ZNF518A: variants seen among roughly 807,000 people sequenced by gnomAD.
The protein encoded by ZNF518A is zinc finger protein 518A.
A neutral mutation model predicts 102.7 loss-of-function variants in ZNF518A; 47 were observed. The ratio of observed to expected loss-of-function variants is 0.46; its 90% CI spans 0.36 to 0.58. The LOEUF is 0.58. Ranked by LOEUF, ZNF518A falls within the 20% of genes least tolerant of loss-of-function variation. The pLI is 0.00. For missense variants in ZNF518A, 1,793 were observed against 1,699.8 expected, an observed-to-expected ratio of 1.05 and a Z score of -0.96; for synonymous variants, 652 against 594.6, an observed-to-expected ratio of 1.10 and a Z score of -1.40.
chr10:96,136,560 C>G (rs893892196), intron 3 of ZNF518A, among the ~76,000 whole-genome samples: 49 of 151,712 alleles, frequency 3.2e-4, no homozygotes, highest in South Asian at 1.3e-3. Flanking sequence ...TGGCTTATGC[C>G]TGTAGTCCCA....
At chr10:96,166,259 C>G (rs1247566833), downstream of ZNF518A, among the ~76,000 whole-genome samples, 1 of 152,192 alleles carries the variant, frequency 6.6e-6, no homozygotes, top group Non-Finnish European at 1.5e-5. Context: ...ATACCAGTCT[C>G]TGAAAACACC....
rs1445347991 is a variant in ZNF518A, at chr10:96,156,270, A to G, written c.-53A>G. 1 of 1,506,202 alleles carries G rather than the reference A, an allele frequency of 6.6e-7. No individual in the cohort carries two copies. Among genetic ancestry groups the G allele is most frequent in the Non-Finnish European group, 8.8e-7 (1 of 1,132,104 alleles). 93.3% of individuals were successfully genotyped at this position (1,506,202 alleles called of 1,614,324 possible). On this transcript the variant is annotated 5_prime_UTR_variant, in exon 6 of 6. Coordinates refer to ENST00000316045, the MANE Select transcript of ZNF518A (RefSeq NM_001330736.2). Reference sequence around the variant, plus strand: ...GTATCGTTTCCTGTTTAAATTACAGATAACTTCAAGAGTTTTCAGAAAAAA... The same window carrying G: ...GTATCGTTTCCTGTTTAAATTACAGGTAACTTCAAGAGTTTTCAGAAAAAA...
At chr10:96,196,934 A>G (rs782220932) in intron 1 of ZNF518A, 1 of 1,613,436 alleles carries the variant, frequency 6.2e-7, no homozygotes, top group African/African-American at 1.3e-5. Context: ...TTTCTGCCCA[A>G]GGCATATTGT....
At chr10:96,173,151 A>G (rs782536024) in intron 1 of ZNF518A, among the ~76,000 whole-genome samples, 19 of 152,312 alleles carry the variant, frequency 1.2e-4, no homozygotes, top group Non-Finnish European at 2.4e-4. Context: ...GCCATTTTAC[A>G]TAAGGGATTT....
Position 96,160,015 on chromosome 10 carries a change from G to C in ZNF518A, c.3693G>C (p.Arg1231Ser), listed in dbSNP as rs782238436. Reference protein sequence around the residue: ...PICVSDCSESRVLRCKTNCRI... With the variant: ...PICVSDCSESSVLRCKTNCRI... Reference sequence around the variant, plus strand: ...GTGTCAGTGACTGTTCAGAGTCCAGGGTATTAAGGTGTAAAACAAATTGTA... The same window carrying C: ...GTGTCAGTGACTGTTCAGAGTCCAGCGTATTAAGGTGTAAAACAAATTGTA... The change falls in exon 6 of 6, where the codon AGG becomes AGC. Residue 1231 changes from arginine to serine, a missense_variant. Transcript: ENST00000316045. 1.2e-6 allele frequency: 2 copies of C among 1,612,122 alleles called. No individual in the cohort carries two copies. Among genetic ancestry groups the C allele is most frequent in the African/African-American group, 2.7e-5 (2 of 74,742 alleles).
chr10:96,141,476 G>T (rs1486072625), intron 3 of ZNF518A, among the ~76,000 whole-genome samples: 1 of 152,174 alleles, frequency 6.6e-6, no homozygotes, highest in African/African-American at 2.4e-5. Flanking sequence ...GTGTATGTGT[G>T]GGTAAGCATC....
chr10:96,143,144 C>A (rs1473129628), intron 3 of ZNF518A, among the ~76,000 whole-genome samples: 1 of 152,142 alleles, frequency 6.6e-6, no homozygotes, highest in East Asian at 1.9e-4. Context: ...ATTACCAGTT[C>A]CTTGGCTCCT....
At chr10:96,147,832 T>G (rs1486015598) in intron 3 of ZNF518A, among the ~76,000 whole-genome samples, 2 of 152,184 alleles carry the variant, frequency 1.3e-5, no homozygotes, top group African/African-American at 2.4e-5. Flanking sequence ...GGAAACTGAT[T>G]TCCTACAGCT....
At chr10:96,175,541 G>A (rs2083197971) in intron 1 of ZNF518A, among the ~76,000 whole-genome samples, 1 of 152,096 alleles carries the variant, frequency 6.6e-6, no homozygotes, top group Non-Finnish European at 1.5e-5. Context: ...GAGGAAGGAG[G>A]ATTGAGTTTA....
Position 96,160,122 on chromosome 10 carries a change from A to G in ZNF518A, c.3800A>G (p.Glu1267Gly). ...AAAACTCATGGAAGTAAAGACTCTG[A>G]AACTGCCTTTGTATCTAGAAACAGA... is the stretch of plus-strand genomic sequence containing the variant. ...KTKTHGSKDS[E>G]TAFVSRNRNC... Residue 1267 changes from glutamate to glycine, a missense_variant, in exon 6 of 6, where the codon GAA becomes GGA. Transcript: ENST00000316045. 5 of 1,611,112 alleles carry G rather than the reference A, an allele frequency of 3.1e-6. No homozygotes were observed. Among genetic ancestry groups the G allele is most frequent in the South Asian group, 1.1e-5 (1 of 90,366 alleles).
At chr10:96,130,038 T>A (rs587719096), upstream of ZNF518A, 4 of 152,852 alleles carry the variant, frequency 2.6e-5, no homozygotes, top group African/African-American at 9.6e-5. Context: ...CCGGTAGCGC[T>A]GCGATCAGCT....
intron 1 of ZNF518A, among the ~76,000 whole-genome samples, chr10:96,174,776 C>A (rs2083193604): frequency 6.9e-6 from 1 of 144,146 alleles, no homozygotes; most frequent in African/African-American, 2.5e-5. Flanking sequence ...CAATTCTTTA[C>A]AAGCTTACAA....
chr10:96,194,959 CGG>C (rs1342806107), intron 1 of ZNF518A, among the ~76,000 whole-genome samples: 2 of 150,926 alleles, frequency 1.3e-5, no homozygotes, highest in Non-Finnish European at 3.0e-5. Context: ...TTAGTAGAGA[CGG>C]GGTTTCACCG....
intron 1 of ZNF518A, among the ~76,000 whole-genome samples, chr10:96,171,899 G>A (rs2083175960): frequency 6.6e-6 from 1 of 151,900 alleles, no homozygotes. Context: ...AAAAAATCTT[G>A]AAATTATCAT....
Position 96,156,410 on chromosome 10 carries a change from A to G in ZNF518A, c.88A>G (p.Arg30Gly), listed in dbSNP as rs1554882356. The change falls in exon 6 of 6, where the codon AGG becomes GGG. Residue 30 changes from arginine (R) to glycine (G), a missense_variant. Arg to Gly is a moderately radical substitution (Grantham distance 125). Transcript: ENST00000316045. ...DYDVKNEIVD[R>G]SAPKPKISGS... ...TGATGTGAAAAATGAGATAGTTGATAGGTCGGCACCTAAACCAAAAATTTC... is the reference window on the plus strand; with the variant it reads ...TGATGTGAAAAATGAGATAGTTGATGGGTCGGCACCTAAACCAAAAATTTC... 1 of 1,608,214 alleles carries G rather than the reference A, an allele frequency of 6.2e-7. No homozygotes were observed. The highest frequency in any genetic ancestry group is 1.7e-5 in the Admixed American group (1 of 58,768).
downstream of ZNF518A, among the ~76,000 whole-genome samples, chr10:96,168,127 T>C (rs782316851): frequency 1.3e-5 from 2 of 152,212 alleles, no homozygotes; most frequent in Non-Finnish European, 2.9e-5. Flanking sequence ...CAGATATACA[T>C]TGTCTTGCTG....
Position 96,160,291 on chromosome 10 carries a change from C to T in ZNF518A, c.3969C>T (p.Ser1323=). 1.2e-6 allele frequency: 2 copies of T among 1,613,560 alleles called. No homozygotes were observed. Among genetic ancestry groups the T allele is most frequent in the Non-Finnish European group, 1.7e-6 (2 of 1,179,680 alleles). Residue 1323 remains serine, a synonymous_variant, in exon 6 of 6, where the codon TCC becomes TCT. Coordinates refer to ENST00000316045, the MANE Select transcript of ZNF518A (RefSeq NM_001330736.2). Reference sequence around the variant, plus strand: ...GCAGACCTAGGCTTTCAAAAGATTCCATCAGAACTTTGCGGCTTTTCCCTT... The same window carrying T: ...GCAGACCTAGGCTTTCAAAAGATTCTATCAGAACTTTGCGGCTTTTCCCTT... ...GFSRPRLSKD[S]IRTLRLFPFS...
chr10:96,143,347 T>C (rs183513751), intron 3 of ZNF518A, among the ~76,000 whole-genome samples: 1 of 152,344 alleles, frequency 6.6e-6, no homozygotes, highest in Admixed American at 6.5e-5. Flanking sequence ...TCCTCTATAG[T>C]CTGTTCTCAC....
At position 96,200,806 on chromosome 10, in the gene ZNF518A, TG is replaced by T. The variant is rs587657478; in HGVS notation, n.36-2767del. Among the ~76,000 whole-genome samples, 113 of 152,282 alleles carry T rather than the reference TG, an allele frequency of 7.4e-4. No individual in the cohort carries two copies. In the South Asian group the frequency reaches 0.021, roughly 28 times the overall value. ...TTAACTGGAGCAATGTCTTAGTCAT[TG>T]AAAAAAAACAACAACTGGGTATTCT... On this transcript the variant is annotated intron_variant and non_coding_transcript_variant, in intron 1 of 2. Coordinates refer to the ZNF518A transcript ENST00000442635. This position sits in a 1 kb window ranked among gnomAD's most constrained non-coding sequence, Gnocchi z 4.3.
Sources: allele counts gnomAD v4.1 joint callset (sites outside exome capture counted in the v4.1 genomes callset), GRCh38; gene constraint gnomAD v4.1.1; non-coding constraint Gnocchi (gnomAD v3.1); transcripts MANE v1.5; gene names NCBI Gene and HGNC (gene_info 2026-07-23, HGNC 2026-07-21).